The following CDC45 variants were observed in gnomAD, a reference collection of about 807,000 sequenced individuals.
The protein encoded by CDC45 is cell division cycle 45.
In CDC45, 54 loss-of-function variants were observed where a neutral mutation model predicts 77.8. That is an observed-to-expected ratio of 0.69 (90% CI 0.56 to 0.87). The LOEUF is 0.87. Ranked by LOEUF, CDC45 falls within the 40% of genes least tolerant of loss-of-function variation. CDC45 has a pLI of 0.00. For synonymous variants in CDC45, 260 were observed against 272.1 expected (o/e 0.96, Z 0.44); for missense variants, 649 against 721.6 (o/e 0.90, Z 1.15).
intron 9 of CDC45, among the ~76,000 whole-genome samples, chr22:19,504,008 G>C (rs1172833022): frequency 1.3e-5 from 2 of 152,248 alleles, no homozygotes; most frequent in Non-Finnish European, 2.9e-5. Flanking sequence ...GGAACCCAGT[G>C]GCCGCTTGGG....
At chr22:19,485,217 A>G (rs1482853466) in intron 5 of CDC45, among the ~76,000 whole-genome samples, 5 of 152,168 alleles carry the variant, frequency 3.3e-5, no homozygotes, top group Non-Finnish European at 5.9e-5. Context: ...GGAAACATTC[A>G]TGTTCTACAG....
At chr22:19,480,115 G>C (rs1432953614) in intron 1 of CDC45, 43 bp from the exon 2 acceptor site, 1 of 1,613,136 alleles carries the variant, frequency 6.2e-7, no homozygotes, top group South Asian at 1.1e-5. Flanking sequence ...GGAGGGCCGG[G>C]GTTCGGGTCG....
chr22:19,510,296 A>G (rs1933441726), intron 13 of CDC45, among the ~76,000 whole-genome samples: 1 of 152,084 alleles, frequency 6.6e-6, no homozygotes, highest in Admixed American at 6.6e-5. Context: ...TAGGTTTTGC[A>G]AGGTTGTGCA....
At chr22:19,508,724 G>T (rs767900061) in intron 13 of CDC45, 33 bp downstream of exon 13, 1 of 1,605,564 alleles carries the variant, frequency 6.2e-7, no homozygotes, top group Non-Finnish European at 8.5e-7. Context: ...GCCTCATGGG[G>T]CCACCACTGG....
At chr22:19,486,699 T>C (rs1296729500) in intron 5 of CDC45, among the ~76,000 whole-genome samples, 2 of 152,168 alleles carry the variant, frequency 1.3e-5, no homozygotes, top group African/African-American at 4.8e-5. Flanking sequence ...ATATATTTTT[T>C]TGAGACGGAG....
chr22:19,496,174 C>A, intron 7 of CDC45, 145 bp downstream of exon 7: 3 of 643,452 alleles, frequency 4.7e-6, no homozygotes, highest in South Asian at 3.7e-5. Context: ...TGACCTTGGG[C>A]AGGTGTTGCA....
Position 19,482,682 on chromosome 22 carries a change from T to C in CDC45, c.205-8T>C. ...ATAGCTACTTTACAATATCTTCCTTTTTTTCAGTTTCATTATTTTATTCTC... is the reference window on the plus strand; with the variant it reads ...ATAGCTACTTTACAATATCTTCCTTCTTTTCAGTTTCATTATTTTATTCTC... On this transcript the variant is annotated splice_polypyrimidine_tract_variant and splice_region_variant and intron_variant, in intron 3 of 18. Coordinates refer to ENST00000263201, the MANE Select transcript of CDC45 (RefSeq NM_003504.5). The C allele has an allele frequency of 6.2e-7, 1 of 1,612,460 alleles. No individual in the cohort carries two copies. The highest frequency in any genetic ancestry group is 1.1e-5 in the South Asian group (1 of 91,004).
chr22:19,482,803 C>T lies in CDC45; in HGVS notation c.318C>T (p.Val106=), dbSNP rs745800041. Residue 106 remains valine (V), a synonymous_variant, in exon 4 of 19, where the codon GTC becomes GTT. Transcript: ENST00000263201. ...FVCDTHRPVN[V]VNVYNDTQIK... ...GTGACACCCATAGGCCAGTCAATGT[C>T]GTCAATGTATACAACGATACCCAGG... 21 of 1,613,980 alleles carry T rather than the reference C, an allele frequency of 1.3e-5. No homozygotes were observed. The East Asian group carries it at 1.3e-4, about 10-fold the overall frequency.
At chr22:19,503,585 C>A (rs940108778) in intron 9 of CDC45, among the ~76,000 whole-genome samples, 1 of 152,172 alleles carries the variant, frequency 6.6e-6, no homozygotes, top group Non-Finnish European at 1.5e-5. Context: ...TCAGGGATCC[C>A]TTTCACAAAC....
chr22:19,484,032 C>G (rs1283207476), intron 5 of CDC45, 27 bp downstream of exon 5: 13 of 1,573,500 alleles, frequency 8.3e-6, no homozygotes, highest in Non-Finnish European at 1.1e-5. Context: ...CACAGCTATC[C>G]CAGAGGAACT....
intron 13 of CDC45, among the ~76,000 whole-genome samples, chr22:19,509,572 T>A (rs1281947571): frequency 6.6e-6 from 1 of 152,220 alleles, no homozygotes; most frequent in Non-Finnish European, 1.5e-5. Flanking sequence ...AAAAAGTGAT[T>A]TCATCCTGGG....
At chr22:19,496,080 GTGTCCTC>G in intron 7 of CDC45, 51 bp downstream of exon 7, 1 of 1,242,810 alleles carries the variant, frequency 8.0e-7, no homozygotes, top group Non-Finnish European at 1.2e-6. Flanking sequence ...CCAGGGGTCA[GTGTCCTC>G]AAATGTGAAG....
At chr22:19,480,072 A>G in intron 1 of CDC45, 53 bp downstream of exon 1, 1 of 1,610,496 alleles carries the variant, frequency 6.2e-7, no homozygotes, top group Non-Finnish European at 8.5e-7. Flanking sequence ...GGAAGGGATG[A>G]GGGGGAGCGA....
intron 3 of CDC45, among the ~76,000 whole-genome samples, chr22:19,481,861 G>A (rs1382776736): frequency 1.3e-5 from 2 of 152,196 alleles, no homozygotes; most frequent in East Asian, 1.9e-4. Flanking sequence ...TAGTAGAGAC[G>A]GGGTTTCGCC....
intron 17 of CDC45, 135 bp from the exon 18 acceptor site, chr22:19,518,709 T>C (rs1216926819): frequency 2.8e-6 from 2 of 712,166 alleles, no homozygotes; most frequent in African/African-American, 1.7e-5. Context: ...AACCACTGAG[T>C]GCAGAATACC....
chr22:19,517,188 A>T (rs1442873113), intron 17 of CDC45, among the ~76,000 whole-genome samples: 4 of 152,208 alleles, frequency 2.6e-5, no homozygotes, highest in African/African-American at 9.7e-5. Context: ...GGGACTGGCC[A>T]CCAGGGCCCG....
intron 5 of CDC45, among the ~76,000 whole-genome samples, chr22:19,488,874 T>C (rs2090113426): frequency 6.6e-6 from 1 of 152,228 alleles, no homozygotes; most frequent in Admixed American, 6.5e-5. Context: ...AGATCACTTA[T>C]ATACTTTGCC....
Position 19,518,831 on chromosome 22 carries a change from T to A in CDC45, c.1637-13T>A. The A allele has an allele frequency of 6.2e-7, 1 of 1,613,050 alleles. No individual in the cohort carries two copies. On this transcript the variant is annotated splice_polypyrimidine_tract_variant and intron_variant, in intron 17 of 18. Transcript: ENST00000263201. ...CCTCCCTTCTCACGGCTGTTTTTCT[T>A]TCATTACTTCAGTAATTGAGCTGAA...
At chr22:19,495,699 G>A (rs550283635) in intron 6 of CDC45, among the ~76,000 whole-genome samples, 12 of 152,144 alleles carry the variant, frequency 7.9e-5, no homozygotes, top group Non-Finnish European at 1.8e-4. Context: ...GCACATGCCT[G>A]TAGCCCCATC....
Sources: gnomAD v4.1 joint callset for allele counts (sites outside exome capture counted in the v4.1 genomes callset) on GRCh38, gnomAD v4.1.1 for gene constraint, MANE v1.5 for transcripts, NCBI Gene and HGNC (gene_info 2026-07-23, HGNC 2026-07-21) for gene names.